Variants in DYNC1I1 observed in about 807,000 individuals in gnomAD.
The protein encoded by DYNC1I1 is cytoplasmic dynein 1 intermediate chain 1.
Under a neutral mutation model 86.6 loss-of-function variants are expected in DYNC1I1, and 43 were observed. That is an observed-to-expected ratio of 0.50 (90% confidence interval 0.39 to 0.64). DYNC1I1 has a LOEUF of 0.64. DYNC1I1 is among the 30% of genes least tolerant of loss of function. The pLI is 0.00. For missense variants in DYNC1I1, 604 were observed against 788.8 expected (o/e 0.77, Z 2.81); for synonymous variants, 262 against 283.7 (o/e 0.92, Z 0.77).
chr7:95,813,378 TAA>T (rs35397709), intron 4 of DYNC1I1, 41 bp downstream of exon 4: 1,663 of 1,397,464 alleles, frequency 1.2e-3, no homozygotes, highest in South Asian at 2.3e-3. Context: ...GGGTGTCAAT[TAA>T]AAAAAAAAAA....
chr7:95,845,791 G>A (rs1011354891), intron 5 of DYNC1I1, among the ~76,000 whole-genome samples: 1 of 152,120 alleles, frequency 6.6e-6, no homozygotes, highest in Non-Finnish European at 1.5e-5. Context: ...TCAAAATTTT[G>A]TCACAAGAGA....
At chr7:95,910,334 C>T (rs995446263) in intron 6 of DYNC1I1, among the ~76,000 whole-genome samples, 1 of 152,176 alleles carries the variant, frequency 6.6e-6, no homozygotes, top group Non-Finnish European at 1.5e-5. Flanking sequence ...CCATCTGTTC[C>T]TCCTCCCACC....
At chr7:95,929,933 C>T (rs543517426) in intron 6 of DYNC1I1, among the ~76,000 whole-genome samples, 1 of 152,178 alleles carries the variant, frequency 6.6e-6, no homozygotes, top group Admixed American at 6.5e-5. Context: ...TGGGAAGTAA[C>T]TGTTTTGTGA....
chr7:95,838,926 T>C (rs1393648707), intron 5 of DYNC1I1, among the ~76,000 whole-genome samples: 2 of 152,228 alleles, frequency 1.3e-5, no homozygotes, highest in Non-Finnish European at 2.9e-5. Context: ...AAAAGAGACA[T>C]TTTACTTCTG....
At chr7:95,968,501 A>G (rs1182823987) in intron 6 of DYNC1I1, among the ~76,000 whole-genome samples, 1 of 152,194 alleles carries the variant, frequency 6.6e-6, no homozygotes, top group Non-Finnish European at 1.5e-5. Context: ...TTAACATAAC[A>G]CAATAACAAT....
At chr7:96,095,672 A>G (rs1481706627) in intron 16 of DYNC1I1, among the ~76,000 whole-genome samples, 2 of 152,088 alleles carry the variant, frequency 1.3e-5, no homozygotes, top group African/African-American at 4.8e-5. Flanking sequence ...ATTTTTGGAA[A>G]GGCTTGCTCA....
chr7:95,974,834 C>T (rs1793262205), intron 6 of DYNC1I1, among the ~76,000 whole-genome samples: 1 of 152,174 alleles, frequency 6.6e-6, no homozygotes, highest in South Asian at 2.1e-4. Context: ...GAAGAACAAT[C>T]CATGTTGAGG....
At chr7:95,975,618 C>G (rs1478168909) in intron 6 of DYNC1I1, among the ~76,000 whole-genome samples, 1 of 152,162 alleles carries the variant, frequency 6.6e-6, no homozygotes, top group African/African-American at 2.4e-5. Context: ...AGGCCACATT[C>G]TGAGGTACTG....
At chr7:96,014,084 A>T (rs1013892404) in intron 10 of DYNC1I1, among the ~76,000 whole-genome samples, 2 of 152,168 alleles carry the variant, frequency 1.3e-5, no homozygotes, top group African/African-American at 4.8e-5. Context: ...AGCAGGAAAC[A>T]AACAGCTTAA....
intron 5 of DYNC1I1, among the ~76,000 whole-genome samples, chr7:95,835,652 G>T (rs1011428250): frequency 6.6e-6 from 1 of 152,082 alleles, no homozygotes; most frequent in South Asian, 2.1e-4. Context: ...GAATCTGGGT[G>T]CTCCTGTATT....
intron 6 of DYNC1I1, among the ~76,000 whole-genome samples, chr7:95,907,109 G>A (rs141653152): frequency 1.3e-5 from 2 of 152,152 alleles, no homozygotes; most frequent in African/African-American, 4.8e-5. Flanking sequence ...CAGAACATCC[G>A]CTTTGAAATC....
At chr7:95,813,886 A>T (rs1335413892) in intron 4 of DYNC1I1, among the ~76,000 whole-genome samples, 1 of 152,156 alleles carries the variant, frequency 6.6e-6, no homozygotes, top group Non-Finnish European at 1.5e-5. Context: ...TTCATTGCCA[A>T]ATTTGTATTA....
intron 6 of DYNC1I1, among the ~76,000 whole-genome samples, chr7:95,927,977 TAGC>T (rs1791790009): frequency 6.6e-6 from 1 of 152,134 alleles, no homozygotes; most frequent in South Asian, 2.1e-4. Flanking sequence ...AGGCCTGAAA[TAGC>T]AGGAGGGCTG....
At chr7:96,097,172 T>G (rs1340289719) in intron 16 of DYNC1I1, among the ~76,000 whole-genome samples, 1 of 152,200 alleles carries the variant, frequency 6.6e-6, no homozygotes, top group Admixed American at 6.5e-5. Context: ...TCTGGTCTTC[T>G]TATGAAAAAA....
At chr7:95,785,651 A>T (rs1420303758) in intron 1 of DYNC1I1, among the ~76,000 whole-genome samples, 2 of 151,360 alleles carry the variant, frequency 1.3e-5, no homozygotes, top group Non-Finnish European at 2.9e-5. Flanking sequence ...TACCATATAC[A>T]TATATATTGT....
At chr7:95,981,630 T>C (rs562175863) in intron 7 of DYNC1I1, among the ~76,000 whole-genome samples, 3 of 152,250 alleles carry the variant, frequency 2.0e-5, no homozygotes, top group East Asian at 3.9e-4. Context: ...TAGTGTAGAA[T>C]CTACTTCTTC....
chr7:96,054,061 C>T (rs536713325), intron 14 of DYNC1I1, among the ~76,000 whole-genome samples: 5 of 152,012 alleles, frequency 3.3e-5, no homozygotes, highest in Non-Finnish European at 5.9e-5. Flanking sequence ...GTTATATACA[C>T]GTGCCATGGT....
intron 6 of DYNC1I1, among the ~76,000 whole-genome samples, chr7:95,975,807 G>A (rs1176766134): frequency 6.6e-6 from 1 of 152,182 alleles, no homozygotes; most frequent in African/African-American, 2.4e-5. Context: ...ACCAACAGCT[G>A]AGAGGCCTTT....
intron 6 of DYNC1I1, among the ~76,000 whole-genome samples, chr7:95,927,058 G>C (rs1213518209): frequency 1.3e-5 from 2 of 152,014 alleles, no homozygotes; most frequent in Non-Finnish European, 2.9e-5. Flanking sequence ...CTGACCTCAT[G>C]AGCAAAAACT....
Sources: gnomAD v4.1 joint callset for allele counts (sites outside exome capture counted in the v4.1 genomes callset) on GRCh38, gnomAD v4.1.1 for gene constraint, MANE v1.5 for transcripts, NCBI Gene and HGNC (gene_info 2026-07-23, HGNC 2026-07-21) for gene names.